The following EXOC2 variants were observed in gnomAD, a reference collection of about 807,000 sequenced individuals.
The protein encoded by EXOC2 is SEC5-like 1.
A neutral mutation model predicts 131.8 loss-of-function variants in EXOC2; 70 were observed. That is an observed-to-expected ratio of 0.53 (90% CI 0.44 to 0.65). The LOEUF (loss-of-function observed/expected upper bound fraction) is 0.65. Among genes scored for constraint, EXOC2 ranks in the 30% least tolerant of loss-of-function variants. The pLI is 0.00. For missense variants in EXOC2, 923 were observed against 1,108.6 expected, an observed-to-expected ratio of 0.83 and a Z score of 2.38; for synonymous variants, 411 against 398.4, an observed-to-expected ratio of 1.03 and a Z score of -0.38.
intron 2 of EXOC2, among the ~76,000 whole-genome samples, chr6:636,462 A>G (rs772690539): frequency 2.0e-5 from 3 of 152,194 alleles, no homozygotes; most frequent in Non-Finnish European, 2.9e-5. Context: ...AACAATATCA[A>G]ATGAGACATA....
chr6:655,874 T>A (rs1014164605), intron 1 of EXOC2: 2 of 395,156 alleles, frequency 5.1e-6, no homozygotes, highest in South Asian at 9.3e-5. Flanking sequence ...AAGAATAACT[T>A]TGATAGAATC....
At position 497,950 on chromosome 6, in the gene EXOC2, T is replaced by C. The variant is rs527967260; in HGVS notation, c.2437-461A>G. ...TCTGTATTGGAGAACAAGCCCCCCC[T>C]CCACAATTTTACACATACTGTACTC... On this transcript the variant is annotated intron_variant, in intron 24 of 27. Transcript: ENST00000230449. Among the ~76,000 whole-genome samples, 205 of 152,292 alleles carry C rather than the reference T, an allele frequency of 1.3e-3. 1 individual carries two copies. Among genetic ancestry groups the C allele is most frequent in the Non-Finnish European group, 2.5e-3 (170 of 68,014 alleles).
intron 20 of EXOC2, among the ~76,000 whole-genome samples, chr6:554,727 TA>T (rs34262645): frequency 3.3e-5 from 5 of 150,216 alleles, no homozygotes; most frequent in African/African-American, 7.3e-5. Flanking sequence ...ACGGATTTCT[TA>T]AAAAAAAAAC....
At chr6:641,840 C>T (rs1417791135) in intron 1 of EXOC2, among the ~76,000 whole-genome samples, 1 of 151,244 alleles carries the variant, frequency 6.6e-6, no homozygotes, top group East Asian at 1.9e-4. Flanking sequence ...GTAACTCTGC[C>T]CCATTTTCTC....
At chr6:633,584 T>A (rs1313858455) in intron 2 of EXOC2, among the ~76,000 whole-genome samples, 1 of 152,244 alleles carries the variant, frequency 6.6e-6, no homozygotes, top group African/African-American at 2.4e-5. Flanking sequence ...TTTCTAGTGT[T>A]CACTTATACA....
At chr6:512,012 T>C (rs1764875733) in intron 23 of EXOC2, among the ~76,000 whole-genome samples, 1 of 152,266 alleles carries the variant, frequency 6.6e-6, no homozygotes, top group African/African-American at 2.4e-5. Flanking sequence ...TTCACAGCTT[T>C]GCCATACTTG....
chr6:496,017 CTG>C (rs1419334394), intron 25 of EXOC2, among the ~76,000 whole-genome samples: 1 of 152,032 alleles, frequency 6.6e-6, no homozygotes, highest in Admixed American at 6.6e-5. Flanking sequence ...AATTCATCTA[CTG>C]TGTTTTTCCA....
intron 25 of EXOC2, among the ~76,000 whole-genome samples, chr6:493,191 T>G (rs1763535417): frequency 6.6e-6 from 1 of 152,230 alleles, no homozygotes; most frequent in South Asian, 2.1e-4. Context: ...GCCATCTAGA[T>G]CAAAGCAGAT....
intron 1 of EXOC2, 44 bp downstream of exon 1, chr6:692,975 G>GTCCC (rs1404999303): frequency 1.3e-5 from 2 of 152,738 alleles, no homozygotes; most frequent in Non-Finnish European, 2.9e-5. Context: ...TGACGTCCAT[G>GTCCC]TCCCGCTGGC....
In EXOC2 at chr6:564,682, C is replaced by A; in HGVS notation, c.1530G>T (p.Met510Ile). Residue 510 changes from methionine (M) to isoleucine (I), a missense_variant, in exon 15 of 28, where the codon ATG becomes ATT. Met to Ile is a conservative substitution (Grantham distance 10). Transcript: ENST00000230449. The part of the protein sequence containing the change: ...NDFKKMIQEV[M>I]HSLVKLTRGA... ...CGCGGGTAAGCTTCACCAGGGAGTG[C>A]ATTACTTCCTGAATCATTTTCTAGA... The A allele has an allele frequency of 6.3e-7, 1 of 1,595,504 alleles. No homozygotes were observed. The highest frequency in any genetic ancestry group is 1.1e-5 in the South Asian group (1 of 88,594).
intron 1 of EXOC2, among the ~76,000 whole-genome samples, chr6:682,422 G>C (rs1036005366): frequency 6.6e-6 from 1 of 152,076 alleles, no homozygotes; most frequent in East Asian, 1.9e-4. Flanking sequence ...GGATGGTCTA[G>C]ATCTCCTGAC....
chr6:674,196 TA>T (rs1477705146), intron 1 of EXOC2, among the ~76,000 whole-genome samples: 8 of 152,300 alleles, frequency 5.3e-5, no homozygotes, highest in African/African-American at 1.9e-4. Flanking sequence ...CCAAAATACA[TA>T]AGGCCAAAAT....
At chr6:620,795 G>A (rs1376545517) in intron 4 of EXOC2, among the ~76,000 whole-genome samples, 1 of 152,140 alleles carries the variant, frequency 6.6e-6, no homozygotes, top group African/African-American at 2.4e-5. Flanking sequence ...ACTCGTTTGG[G>A]GGAAAAATGG....
intron 25 of EXOC2, among the ~76,000 whole-genome samples, chr6:494,657 A>G (rs1351268307): frequency 6.6e-6 from 1 of 152,064 alleles, no homozygotes; most frequent in Non-Finnish European, 1.5e-5. Flanking sequence ...AGTTAGTTTT[A>G]TTTGTTCTAG....
At position 562,829 on chromosome 6, in the gene EXOC2, A is replaced by G. The variant is rs1757769013; in HGVS notation, c.1806T>C (p.Ala602=). The G allele has an allele frequency of 1.3e-6, 2 of 1,597,850 alleles. No individual in the cohort carries two copies. The highest frequency in any genetic ancestry group is 2.3e-5 in the South Asian group (2 of 85,856). ...QHTAEEIKRL[A]EKEDWIVDNE... ...TGTCAACAATCCAGTCTTCTTTTTCAGCTAATCTCTTTATTTCTATATGAG... is the reference window on the plus strand; with the variant it reads ...TGTCAACAATCCAGTCTTCTTTTTCGGCTAATCTCTTTATTTCTATATGAG... The change falls in exon 17 of 28, where the codon GCT becomes GCC. Residue 602 remains alanine, a synonymous_variant. Coordinates refer to ENST00000230449, the MANE Select transcript of EXOC2 (RefSeq NM_018303.6).
At chr6:663,812 C>T (rs1207997968) in intron 1 of EXOC2, among the ~76,000 whole-genome samples, 1 of 152,178 alleles carries the variant, frequency 6.6e-6, no homozygotes, top group Non-Finnish European at 1.5e-5. Flanking sequence ...CCATGTATGA[C>T]AAACCCACAG....
At chr6:617,179 T>G (rs926984872) in intron 6 of EXOC2, among the ~76,000 whole-genome samples, 2 of 152,148 alleles carry the variant, frequency 1.3e-5, no homozygotes, top group Non-Finnish European at 2.9e-5. Flanking sequence ...TAAAAGCAGT[T>G]TTATAAAAAA....
intron 23 of EXOC2, among the ~76,000 whole-genome samples, chr6:518,108 A>G (rs1337401174): frequency 6.6e-6 from 1 of 152,252 alleles, no homozygotes; most frequent in African/African-American, 2.4e-5. Context: ...AATAGCTGAT[A>G]AAATTAAGGA....
chr6:597,842 T>C (rs538342669), intron 10 of EXOC2, among the ~76,000 whole-genome samples, 179 bp downstream of exon 10: 27 of 152,298 alleles, frequency 1.8e-4, no homozygotes, highest in Non-Finnish European at 2.9e-4. Context: ...CCAAATCTAT[T>C]AGTATTCAAA....
Sources: gnomAD v4.1 joint callset for allele counts (sites outside exome capture counted in the v4.1 genomes callset) on GRCh38, gnomAD v4.1.1 for gene constraint, MANE v1.5 for transcripts, NCBI Gene and HGNC (gene_info 2026-07-23, HGNC 2026-07-21) for gene names.